The following NSUN2 variants were observed in gnomAD, a reference collection of about 807,000 sequenced individuals.
NSUN2 encodes NOP2/Sun RNA methyltransferase 2.
Under a neutral mutation model 92.7 loss-of-function variants are expected in NSUN2, and 63 were observed. That is an observed-to-expected ratio of 0.68 (90% confidence interval 0.56 to 0.84). The LOEUF (loss-of-function observed/expected upper bound fraction) is 0.84. Among genes scored for constraint, NSUN2 ranks in the 40% least tolerant of loss-of-function variants. The probability of loss-of-function intolerance (pLI) is 0.00; values close to 1 mark genes in which losing one functional copy is unlikely to be tolerated. For synonymous variants in NSUN2, 356 were observed against 348.3 expected (o/e 1.02, Z -0.25); for missense variants, 989 against 964.9 (o/e 1.02, Z -0.33).
intron 12 of NSUN2, among the ~76,000 whole-genome samples, chr5:6,608,414 C>G (rs1028851669): frequency 1.3e-5 from 2 of 152,230 alleles, no homozygotes; most frequent in Non-Finnish European, 2.9e-5. Flanking sequence ...CTCAGCACCA[C>G]AACAGAACAC....
At chr5:6,611,540 C>T (rs1002003112) in intron 10 of NSUN2, among the ~76,000 whole-genome samples, 185 bp downstream of exon 10, 4 of 149,228 alleles carry the variant, frequency 2.7e-5, no homozygotes, top group African/African-American at 9.9e-5. Flanking sequence ...TTTTCCACTG[C>T]CAGGAATAAA....
In NSUN2 at chr5:6,627,617, C is replaced by T. The variant is rs2126507122; in HGVS notation, c.360-1948G>A. 2.6e-5 allele frequency among the ~76,000 whole-genome samples: 4 copies of T among 152,274 alleles called. No individual in the cohort carries two copies. In the South Asian group the frequency reaches 8.3e-4, roughly 32 times the overall value. The stretch of plus-strand genomic sequence containing the variant: ...TCTACAGTATTTATAATTGTGAAGG[C>T]TGTTGATCTCATGTAAAGAAACATT... On this transcript the variant is annotated intron_variant, in intron 3 of 18. Coordinates refer to ENST00000264670, the MANE Select transcript of NSUN2 (RefSeq NM_017755.6).
In NSUN2 at chr5:6,606,775, TAG is replaced by T. The variant is rs1173536843; in HGVS notation, c.1601+43_1601+44del. ...GATCAGTTGTACATTTGATACTCTA[TAG>T]TAAATTTCTTTAAATGAATAATTAA... is the stretch of plus-strand genomic sequence containing the variant. On this transcript the variant is annotated intron_variant, in intron 14 of 18. Coordinates refer to ENST00000264670, the MANE Select transcript of NSUN2 (RefSeq NM_017755.6). The T allele has an allele frequency of 1.6e-5, 17 of 1,046,482 alleles. No homozygotes were observed. In the East Asian group the frequency reaches 4.0e-4, roughly 25 times the overall value. The allele number at this position is 1,046,482 out of a possible 1,614,324, so 64.8% of individuals were successfully genotyped here.
intron 6 of NSUN2, chr5:6,621,266 C>T (rs2126497780): frequency 6.6e-6 from 1 of 152,050 alleles, no homozygotes; most frequent in East Asian, 1.9e-4. Context: ...AGTAACTTGC[C>T]GATTAGGATT....
chr5:6,624,249 T>C (rs1311108284), intron 4 of NSUN2, among the ~76,000 whole-genome samples: 1 of 152,224 alleles, frequency 6.6e-6, no homozygotes, highest in Non-Finnish European at 1.5e-5. Flanking sequence ...TCCAAGGTTT[T>C]GATTAAAGCA....
At chr5:6,625,870 G>C (rs909590641) in intron 3 of NSUN2, among the ~76,000 whole-genome samples, 3 of 152,090 alleles carry the variant, frequency 2.0e-5, no homozygotes, top group African/African-American at 7.2e-5. Flanking sequence ...GCTACACCGT[G>C]GCCCAATCAG....
At chr5:6,608,984 G>A (rs764176373) in intron 12 of NSUN2, among the ~76,000 whole-genome samples, 11 of 152,166 alleles carry the variant, frequency 7.2e-5, no homozygotes, top group Admixed American at 2.0e-4. Context: ...CCCTGGTGGC[G>A]GCAGAAGTGC....
chr5:6,630,373 T>G (rs1011317006), intron 3 of NSUN2, among the ~76,000 whole-genome samples: 1 of 152,226 alleles, frequency 6.6e-6, no homozygotes, highest in African/African-American at 2.4e-5. Flanking sequence ...TGGCATGATC[T>G]TGGCTTACTG....
At chr5:6,604,725 G>T (rs1282861701) in intron 15 of NSUN2, 40 bp from the exon 16 acceptor site, 3 of 1,515,952 alleles carry the variant, frequency 2.0e-6, no homozygotes, top group African/African-American at 1.4e-5. Flanking sequence ...GAGAGATGAA[G>T]ACAGGACCAT....
At chr5:6,601,024 A>G (rs1184845442) in intron 18 of NSUN2, among the ~76,000 whole-genome samples, 1 of 151,438 alleles carries the variant, frequency 6.6e-6, no homozygotes, top group Non-Finnish European at 1.5e-5. Flanking sequence ...TTTCTTTCAT[A>G]CGGGACTCTG....
intron 3 of NSUN2, 87 bp downstream of exon 3, chr5:6,631,786 A>G (rs1435737800): frequency 1.0e-6 from 1 of 995,520 alleles, no homozygotes; most frequent in Non-Finnish European, 1.5e-6. Context: ...GCTCTTTAAC[A>G]GCAAATGCAG....
rs756351433 is a variant in NSUN2 at position 6,602,545 on chromosome 5, G to A, written c.1958-45C>T. 4.4e-6 allele frequency: 7 copies of A among 1,573,590 alleles called. No individual in the cohort carries two copies. The Admixed American group carries it at 8.3e-5, about 19-fold the overall frequency. On this transcript the variant is annotated intron_variant, in intron 17 of 18. Transcript: ENST00000264670. ...ACATTTGCCAGGTTTTCCAGGTAGT[G>A]GATGCATGCGCTGAGCACATTTCTG...
intron 18 of NSUN2, among the ~76,000 whole-genome samples, chr5:6,601,979 C>T (rs939728080): frequency 6.6e-6 from 1 of 152,146 alleles, no homozygotes; most frequent in African/African-American, 2.4e-5. Context: ...AAGGATGCAG[C>T]GTGAATACAT....
chr5:6,611,878 A>G, intron 9 of NSUN2, 80 bp from the exon 10 acceptor site: 2 of 1,167,956 alleles, frequency 1.7e-6, no homozygotes, highest in Non-Finnish European at 2.5e-6. Flanking sequence ...AACCAGACAC[A>G]GATCACATAT....
At chr5:6,620,338 T>G in intron 6 of NSUN2, 40 bp from the exon 7 acceptor site, 1 of 1,464,392 alleles carries the variant, frequency 6.8e-7, no homozygotes, top group Non-Finnish European at 9.1e-7. Flanking sequence ...AAATGGAGCC[T>G]AAGTGGAATC....
intron 12 of NSUN2, among the ~76,000 whole-genome samples, chr5:6,608,935 T>C (rs952733716): frequency 3.9e-5 from 6 of 152,248 alleles, no homozygotes; most frequent in Non-Finnish European, 7.3e-5. Flanking sequence ...GTGAGACTTT[T>C]AGCCTCAAAG....
intron 6 of NSUN2, chr5:6,621,298 T>A (rs1488618592): frequency 6.6e-6 from 1 of 152,106 alleles, no homozygotes; most frequent in Non-Finnish European, 1.5e-5. Context: ...AGTCTGATGG[T>A]AGCTTTTAAC....
Position 6,620,144 on chromosome 5 carries a change from G to C in NSUN2, c.777C>G (p.Ile259Met). ...CACATAAAATTCGATCATAGAAGAG[G>C]ATCTCTTTCCTGCCGTCCACATCTA... ...LQIDVDGRKE[I>M]LFYDRILCDV... Residue 259 changes from isoleucine to methionine, a missense_variant, in exon 7 of 19, where the codon ATC (isoleucine) becomes ATG (methionine). Physicochemically the swap from Ile to Met is conservative, Grantham distance 10. Coordinates refer to ENST00000264670, the MANE Select transcript of NSUN2 (RefSeq NM_017755.6). 2.5e-6 allele frequency: 4 copies of C among 1,607,212 alleles called. No individual in the cohort carries two copies. Among genetic ancestry groups the C allele is most frequent in the Non-Finnish European group, 3.4e-6 (4 of 1,177,598 alleles).
At chr5:6,612,580 GA>G (rs1249797683) in intron 9 of NSUN2, among the ~76,000 whole-genome samples, 1 of 152,152 alleles carries the variant, frequency 6.6e-6, no homozygotes, top group Non-Finnish European at 1.5e-5. Flanking sequence ...CTCAGCAGAG[GA>G]AAATTCAACA....
Sources: gnomAD v4.1 joint callset for allele counts (sites outside exome capture counted in the v4.1 genomes callset) on GRCh38, gnomAD v4.1.1 for gene constraint, MANE v1.5 for transcripts, NCBI Gene and HGNC (gene_info 2026-07-23, HGNC 2026-07-21) for gene names.